PTPRD: variants seen among roughly 807,000 people sequenced by gnomAD.
PTPRD encodes receptor-type tyrosine-protein phosphatase delta.
Under a neutral mutation model 214.5 loss-of-function variants are expected in PTPRD, and 34 were observed. That is an observed-to-expected ratio of 0.16 (90% CI 0.12 to 0.21). The LOEUF (loss-of-function observed/expected upper bound fraction) is 0.21. Among genes scored for constraint, PTPRD ranks in the 10% least tolerant of loss-of-function variants. The pLI, the probability that PTPRD is intolerant of heterozygous loss-of-function variation, is 1.00. For synonymous variants in PTPRD, 1,128 were observed against 845.7 expected, an observed-to-expected ratio of 1.33 and a Z score of -5.79; for missense variants, 2,545 against 2,398.7, an observed-to-expected ratio of 1.06 and a Z score of -1.27.
At chr9:8,811,368 T>G (rs1413506769) in intron 11 of PTPRD, among the ~76,000 whole-genome samples, 1 of 152,080 alleles carries the variant, frequency 6.6e-6, no homozygotes, top group Non-Finnish European at 1.5e-5. Context: ...GAGCACAACC[T>G]GTTTATGACC....
intron 9 of PTPRD, among the ~76,000 whole-genome samples, chr9:9,237,731 G>C (rs758870149): frequency 5.6e-4 from 85 of 152,078 alleles, no homozygotes; most frequent in Non-Finnish European, 8.8e-5. Context: ...CTGTCTATTT[G>C]ATCCTGCATC....
intron 3 of PTPRD, among the ~76,000 whole-genome samples, chr9:10,239,664 T>C (rs913375103): frequency 6.6e-6 from 1 of 151,356 alleles, no homozygotes; most frequent in Non-Finnish European, 1.5e-5. Context: ...GAGAGCTTAG[T>C]GGTGTGACAC....
In PTPRD at chr9:9,870,840, C is replaced by G. The variant is rs559593559; in HGVS notation, c.-368+67667G>C. On this transcript the variant is annotated intron_variant, in intron 5 of 45. Coordinates refer to ENST00000381196, the MANE Select transcript of PTPRD (RefSeq NM_002839.4). Reference sequence around the variant, plus strand: ...GGATAGACACTTAGTGTTGAAATATCTTAACAATTGTTGAGCCTGGATGAA... The same window carrying G: ...GGATAGACACTTAGTGTTGAAATATGTTAACAATTGTTGAGCCTGGATGAA... Among the ~76,000 whole-genome samples, 14 of 152,162 alleles carry G rather than the reference C, an allele frequency of 9.2e-5. No individual in the cohort carries two copies. The South Asian group carries it at 2.3e-3, about 25-fold the overall frequency.
At chr9:9,918,406 A>G (rs2081571020) in intron 5 of PTPRD, among the ~76,000 whole-genome samples, 1 of 151,492 alleles carries the variant, frequency 6.6e-6, no homozygotes, top group African/African-American at 2.4e-5. Flanking sequence ...TGATAAAAAT[A>G]ATTGAAGAAG....
At chr9:9,908,728 T>C (rs146545647) in intron 5 of PTPRD, among the ~76,000 whole-genome samples, 487 of 152,192 alleles carry the variant, frequency 3.2e-3, no homozygotes, top group African/African-American at 0.011. Flanking sequence ...TTGCTTAATA[T>C]ATCAAGTATT....
intron 7 of PTPRD, among the ~76,000 whole-genome samples, chr9:9,671,330 G>A (rs1564448723): frequency 1.3e-5 from 2 of 152,146 alleles, no homozygotes; most frequent in African/African-American, 2.4e-5. Context: ...TATTCCCATT[G>A]TATCTGGGAA....
chr9:9,069,904 G>C (rs1369413979), intron 10 of PTPRD, among the ~76,000 whole-genome samples: 3 of 152,096 alleles, frequency 2.0e-5, no homozygotes, highest in Non-Finnish European at 4.4e-5. Context: ...ATCATCTATT[G>C]CTTATTATTT....
At chr9:10,170,081 T>G (rs2099191203) in intron 3 of PTPRD, among the ~76,000 whole-genome samples, 1 of 152,160 alleles carries the variant, frequency 6.6e-6, no homozygotes, top group African/African-American at 2.4e-5. Flanking sequence ...CTTTTGCATA[T>G]CAAGAATTTC....
intron 10 of PTPRD, among the ~76,000 whole-genome samples, chr9:9,164,109 T>A (rs1025281381): frequency 5.9e-5 from 9 of 151,468 alleles, no homozygotes; most frequent in South Asian, 2.1e-4. Flanking sequence ...ATTACACCAA[T>A]TTTTTTTTGC....
chr9:9,265,636 T>A (rs933516104), intron 9 of PTPRD, among the ~76,000 whole-genome samples: 1 of 151,500 alleles, frequency 6.6e-6, no homozygotes, highest in Non-Finnish European at 1.5e-5. Flanking sequence ...AAAGTTGTTA[T>A]CAACTTGAAA....
intron 5 of PTPRD, among the ~76,000 whole-genome samples, chr9:9,918,093 T>G (rs1346126685): frequency 1.3e-5 from 2 of 151,742 alleles, no homozygotes; most frequent in Admixed American, 6.6e-5. Flanking sequence ...GAATACAAAT[T>G]GGAAAGAAAG....
intron 4 of PTPRD, among the ~76,000 whole-genome samples, chr9:9,999,281 C>G (rs1183173217): frequency 1.3e-5 from 2 of 152,182 alleles, no homozygotes; most frequent in Non-Finnish European, 2.9e-5. Flanking sequence ...GGAGCAACCC[C>G]TGAAAGCCCA....
intron 33 of PTPRD, among the ~76,000 whole-genome samples, chr9:8,458,049 T>C (rs1325303500): frequency 1.3e-5 from 2 of 152,130 alleles, no homozygotes; most frequent in African/African-American, 4.8e-5. Context: ...GCATTTCTAT[T>C]TCAGAAATGC....
intron 8 of PTPRD, among the ~76,000 whole-genome samples, chr9:9,471,904 C>G (rs1367719354): frequency 6.6e-6 from 1 of 152,104 alleles, no homozygotes; most frequent in Non-Finnish European, 1.5e-5. Flanking sequence ...TTGAGGATTA[C>G]ATTTTAATGA....
rs183874695 is a variant in PTPRD, at chr9:8,842,480, A to G, written c.-103-108534T>C. Reference sequence around the variant, plus strand: ...TAGAGCAGTACATTAGTACATTAGTAGAACTACCTTTGGTTTGTATTTGAT... The same window carrying G: ...TAGAGCAGTACATTAGTACATTAGTGGAACTACCTTTGGTTTGTATTTGAT... On this transcript the variant is annotated intron_variant, in intron 11 of 45. Coordinates refer to ENST00000381196, the MANE Select transcript of PTPRD (RefSeq NM_002839.4). 6.6e-5 allele frequency among the ~76,000 whole-genome samples: 10 copies of G among 152,338 alleles called. No individual in the cohort carries two copies. In the East Asian group the frequency reaches 1.7e-3, roughly 26 times the overall value.
intron 8 of PTPRD, among the ~76,000 whole-genome samples, chr9:9,490,064 T>A (rs997252288): frequency 6.6e-6 from 1 of 152,112 alleles, no homozygotes; most frequent in Non-Finnish European, 1.5e-5. Flanking sequence ...TGCAAATTTC[T>A]TATCAAAAAC....
chr9:10,439,601 A>T (rs1588206438), intron 2 of PTPRD, among the ~76,000 whole-genome samples: 1 of 151,798 alleles, frequency 6.6e-6, no homozygotes, highest in South Asian at 2.1e-4. Flanking sequence ...TGATCAGGAA[A>T]AAAAAAGGTA....
At chr9:9,158,418 G>A (rs1197204402) in intron 10 of PTPRD, among the ~76,000 whole-genome samples, 2 of 151,980 alleles carry the variant, frequency 1.3e-5, no homozygotes, top group East Asian at 3.9e-4. Flanking sequence ...TGGCCAACAT[G>A]CTAAAACTCC....
chr9:9,296,860 C>G (rs181237312), intron 9 of PTPRD, among the ~76,000 whole-genome samples: 29 of 151,828 alleles, frequency 1.9e-4, no homozygotes, highest in African/African-American at 6.5e-4. Flanking sequence ...AATCCAAAAG[C>G]AAAGCCTAGA....
Sources: gnomAD v4.1 joint callset for allele counts (sites outside exome capture counted in the v4.1 genomes callset) on GRCh38, gnomAD v4.1.1 for gene constraint, MANE v1.5 for transcripts, NCBI Gene and HGNC (gene_info 2026-07-23, HGNC 2026-07-21) for gene names.